Variants in LUZP2 observed in about 807,000 individuals in gnomAD.
The protein encoded by LUZP2 is leucine zipper protein 2.
Under a neutral mutation model 51.6 loss-of-function variants are expected in LUZP2, and 52 were observed. The observed-to-expected ratio is 1.01, with a 90% CI of 0.81 to 1.27. The LOEUF (loss-of-function observed/expected upper bound fraction) is 1.27. Among genes scored for constraint, LUZP2 ranks in the 50% most tolerant of loss-of-function variants. The pLI, the probability that LUZP2 is intolerant of heterozygous loss-of-function variation, is 0.00. For synonymous variants in LUZP2, 154 were observed against 137.3 expected (o/e 1.12, Z -0.85); for missense variants, 436 against 395.4 (o/e 1.10, Z -0.87).
At chr11:24,588,177 A>T (rs1853139597) in intron 1 of LUZP2, among the ~76,000 whole-genome samples, 1 of 152,124 alleles carries the variant, frequency 6.6e-6, no homozygotes, top group Admixed American at 6.6e-5. Context: ...AAGGAAGAAA[A>T]GTCACCTTAT....
chr11:25,061,154 C>T (rs1303900604), intron 10 of LUZP2, among the ~76,000 whole-genome samples: 1 of 152,094 alleles, frequency 6.6e-6, no homozygotes, highest in East Asian at 1.9e-4. Context: ...CTTATTCTTC[C>T]TGCCTTACTG....
chr11:24,681,029 C>T (rs1157674463), intron 1 of LUZP2, among the ~76,000 whole-genome samples: 2 of 148,568 alleles, frequency 1.3e-5, no homozygotes, highest in East Asian at 2.0e-4. Flanking sequence ...GGCCGGACTG[C>T]GGACTGCAGT....
intron 1 of LUZP2, among the ~76,000 whole-genome samples, chr11:24,668,670 A>G (rs1856296807): frequency 1.3e-5 from 2 of 152,174 alleles, no homozygotes; most frequent in South Asian, 4.1e-4. Context: ...TAAACAAAGG[A>G]ACATGCTTTT....
At chr11:24,893,495 G>T (rs941307173) in intron 5 of LUZP2, among the ~76,000 whole-genome samples, 1 of 151,694 alleles carries the variant, frequency 6.6e-6, no homozygotes, top group Non-Finnish European at 1.5e-5. Context: ...AAACTCTTTA[G>T]GGATATTAAA....
At chr11:24,852,311 G>C (rs1393850380) in intron 5 of LUZP2, among the ~76,000 whole-genome samples, 1 of 152,040 alleles carries the variant, frequency 6.6e-6, no homozygotes, top group East Asian at 1.9e-4. Context: ...TTGTGTCTTT[G>C]TTCTCATTGG....
At chr11:24,693,831 A>G (rs1368712565) in intron 1 of LUZP2, among the ~76,000 whole-genome samples, 1 of 151,986 alleles carries the variant, frequency 6.6e-6, no homozygotes, top group Admixed American at 6.6e-5. Context: ...GTACAGATGG[A>G]GAAGATATAA....
intron 1 of LUZP2, among the ~76,000 whole-genome samples, chr11:24,649,814 A>C (rs1855570615): frequency 2.6e-5 from 4 of 151,946 alleles, no homozygotes. Flanking sequence ...ATGGGATAAT[A>C]GGATTATTAT....
chr11:25,025,789 C>G (rs1857472957), intron 9 of LUZP2, among the ~76,000 whole-genome samples: 2 of 152,204 alleles, frequency 1.3e-5, no homozygotes, highest in South Asian at 4.1e-4. Context: ...CATCCCATTA[C>G]TGGGCATATA....
intron 1 of LUZP2, among the ~76,000 whole-genome samples, chr11:24,578,918 CTAAAA>C (rs1386632012): frequency 6.6e-6 from 1 of 151,992 alleles, no homozygotes; most frequent in East Asian, 1.9e-4. Flanking sequence ...ACCCCTGAAT[CTAAAA>C]TAAAAGTTGA....
chr11:24,959,901 T>C (rs1218069888), intron 7 of LUZP2, among the ~76,000 whole-genome samples: 2 of 152,152 alleles, frequency 1.3e-5, no homozygotes, highest in African/African-American at 2.4e-5. Flanking sequence ...CATAGATAGC[T>C]CTTATTATTT....
chr11:24,775,673 A>G (rs1184061058), intron 5 of LUZP2, among the ~76,000 whole-genome samples: 2 of 152,116 alleles, frequency 1.3e-5, no homozygotes, highest in African/African-American at 4.8e-5. Flanking sequence ...TGGCTAGGAT[A>G]ACACCATTGT....
chr11:24,500,958 G>A (rs1317937927), intron 1 of LUZP2, among the ~76,000 whole-genome samples: 1 of 152,034 alleles, frequency 6.6e-6, no homozygotes, highest in Non-Finnish European at 1.5e-5. Flanking sequence ...TAGAATAAAG[G>A]ACAAGAATCA....
chr11:24,579,234 A>G (rs1391782334), intron 1 of LUZP2, among the ~76,000 whole-genome samples: 1 of 152,124 alleles, frequency 6.6e-6, no homozygotes, highest in Non-Finnish European at 1.5e-5. Flanking sequence ...CTTTATAACT[A>G]AAACCCACAA....
intron 9 of LUZP2, among the ~76,000 whole-genome samples, chr11:24,986,217 T>TAAA (rs1314823773): frequency 6.6e-6 from 1 of 151,702 alleles, no homozygotes; most frequent in Non-Finnish European, 1.5e-5. Flanking sequence ...ACAGAATTTG[T>TAAA]ACTATTCAAC....
chr11:24,743,056 C>T (rs1473349060), intron 4 of LUZP2, among the ~76,000 whole-genome samples: 3 of 152,002 alleles, frequency 2.0e-5, no homozygotes, highest in Non-Finnish European at 1.5e-5. Flanking sequence ...GTCTATATGC[C>T]TATTTGTATA....
chr11:24,573,189 A>G (rs1452030933), intron 1 of LUZP2, among the ~76,000 whole-genome samples: 1 of 152,036 alleles, frequency 6.6e-6, no homozygotes, highest in Non-Finnish European at 1.5e-5. Context: ...ATAAAAGAGC[A>G]TTCAAATCAA....
chr11:24,535,587 T>C (rs2133833842), intron 1 of LUZP2, among the ~76,000 whole-genome samples: 1 of 151,760 alleles, frequency 6.6e-6, no homozygotes, highest in Non-Finnish European at 1.5e-5. Context: ...TCAAATTTTA[T>C]CATAAAGGTG....
At chr11:24,608,086 T>C (rs560345851) in intron 1 of LUZP2, among the ~76,000 whole-genome samples, 1 of 152,254 alleles carries the variant, frequency 6.6e-6, no homozygotes, top group South Asian at 2.1e-4. Context: ...CCTGACCTCA[T>C]GATCCGCCCA....
rs1384092191 is a variant in LUZP2, at chr11:24,984,544, ATATAT to A, written c.765+1252_765+1256del. 8.1e-3 allele frequency among the ~76,000 whole-genome samples: 856 copies of A among 106,274 alleles called. 30 individuals carry two copies. Among genetic ancestry groups the A allele is most frequent in the Non-Finnish European group, 0.011 (621 of 55,162 alleles). 69.7% of individuals were successfully genotyped at this position (106,274 alleles called of 152,430 possible). A position where few individuals can be genotyped will look rare whatever the true frequency, so the allele number is the denominator to read the frequency against. On this transcript the variant is annotated intron_variant, in intron 9 of 11. Transcript: ENST00000336930. Reference sequence around the variant, plus strand: ...ATATTTTATATATATATATATATATATATATAATTGTGAATTTTAAAAGCCACAAG... The same window carrying A: ...ATATTTTATATATATATATATATATAAATTGTGAATTTTAAAAGCCACAAG...
Sources: allele counts gnomAD v4.1 joint callset (sites outside exome capture counted in the v4.1 genomes callset), GRCh38; gene constraint gnomAD v4.1.1; transcripts MANE v1.5; gene names NCBI Gene and HGNC (gene_info 2026-07-23, HGNC 2026-07-21).